KCND2: variants seen among roughly 807,000 people sequenced by gnomAD.
KCND2 encodes the protein A-type voltage-gated potassium channel KCND2.
Under a neutral mutation model 54.4 loss-of-function variants are expected in KCND2, and 16 were observed. The ratio of observed to expected loss-of-function variants is 0.29; its 90% CI spans 0.20 to 0.45. The LOEUF is 0.45. Ranked by LOEUF, KCND2 falls within the 20% of genes least tolerant of loss-of-function variation. The probability of loss-of-function intolerance (pLI) is 1.00; values close to 1 mark genes in which losing one functional copy is unlikely to be tolerated. For missense variants in KCND2, 486 were observed against 824.2 expected, an observed-to-expected ratio of 0.59 and a Z score of 5.02; for synonymous variants, 317 against 310.7, an observed-to-expected ratio of 1.02 and a Z score of -0.21.
intron 1 of KCND2, among the ~76,000 whole-genome samples, chr7:120,659,704 T>C (rs1245432384): frequency 6.6e-6 from 1 of 152,170 alleles, no homozygotes; most frequent in African/African-American, 2.4e-5. Flanking sequence ...TCCCTCAGTA[T>C]ACATGGGACA....
At chr7:120,596,787 C>T (rs1792751164) in intron 1 of KCND2, among the ~76,000 whole-genome samples, 2 of 152,146 alleles carry the variant, frequency 1.3e-5, no homozygotes, top group Admixed American at 6.6e-5. Flanking sequence ...TCAGTGTCCA[C>T]CCCAATGAAG....
At chr7:120,579,002 T>C (rs563204045) in intron 1 of KCND2, among the ~76,000 whole-genome samples, 2 of 152,260 alleles carry the variant, frequency 1.3e-5, no homozygotes, top group East Asian at 1.9e-4. Flanking sequence ...TTCTTTCTTA[T>C]AAAATAAAAT....
chr7:120,594,841 G>T (rs377245168), intron 1 of KCND2, among the ~76,000 whole-genome samples: 3 of 152,054 alleles, frequency 2.0e-5, no homozygotes, highest in African/African-American at 7.2e-5. Context: ...CCAACATGGT[G>T]AAACCCCGTT....
chr7:120,502,492 C>G (rs1802951220), intron 1 of KCND2, among the ~76,000 whole-genome samples: 1 of 152,056 alleles, frequency 6.6e-6, no homozygotes, highest in South Asian at 2.1e-4. Context: ...CTATAGTTCT[C>G]TTGGTCTAGA....
intron 1 of KCND2, among the ~76,000 whole-genome samples, chr7:120,285,468 A>G (rs973884035): frequency 2.0e-5 from 3 of 152,006 alleles, no homozygotes; most frequent in Middle Eastern, 3.2e-3. Flanking sequence ...ATAGTTAGAA[A>G]AAATGCACTA....
chr7:120,348,505 A>T (rs377372357), intron 1 of KCND2, among the ~76,000 whole-genome samples: 3 of 152,240 alleles, frequency 2.0e-5, no homozygotes, highest in Non-Finnish European at 2.9e-5. Context: ...CAAAGGCTAC[A>T]TCATCTTATC....
At chr7:120,611,182 T>C (rs189321602) in intron 1 of KCND2, among the ~76,000 whole-genome samples, 21 of 152,344 alleles carry the variant, frequency 1.4e-4, no homozygotes, top group Admixed American at 9.8e-4. Context: ...TCCTCTATGC[T>C]TTATTTAATT....
At chr7:120,559,053 G>T (rs1202860238) in intron 1 of KCND2, among the ~76,000 whole-genome samples, 1 of 151,682 alleles carries the variant, frequency 6.6e-6, no homozygotes. Context: ...GTACGTGCAT[G>T]TATGTGCATT....
chr7:120,698,242 A>C (rs1792357356), intron 1 of KCND2, among the ~76,000 whole-genome samples: 1 of 151,886 alleles, frequency 6.6e-6, no homozygotes, highest in Non-Finnish European at 1.5e-5. Context: ...CTCGAACTCA[A>C]CCTTTTATCC....
chr7:120,389,757 A>G (rs1801045328), intron 1 of KCND2, among the ~76,000 whole-genome samples: 1 of 151,936 alleles, frequency 6.6e-6, no homozygotes, highest in East Asian at 1.9e-4. Context: ...TCAGCAAAAG[A>G]AGTTTTTAAC....
chr7:120,543,601 A>G (rs954858047), intron 1 of KCND2, among the ~76,000 whole-genome samples: 1 of 152,078 alleles, frequency 6.6e-6, no homozygotes, highest in East Asian at 1.9e-4. Flanking sequence ...TTTTTTTCTA[A>G]TATGTAACAT....
intron 1 of KCND2, among the ~76,000 whole-genome samples, chr7:120,278,345 T>C (rs1471547600): frequency 6.6e-6 from 1 of 151,866 alleles, no homozygotes. Flanking sequence ...GTGCAAACTT[T>C]CTGGGAAATA....
Position 120,411,554 on chromosome 7 carries a change from G to A in KCND2, c.1115+135807G>A, listed in dbSNP as rs139901468. Among the ~76,000 whole-genome samples, 528 of 151,892 alleles carry A rather than the reference G, an allele frequency of 3.5e-3. 3 individuals carry two copies. Among genetic ancestry groups the A allele is most frequent in the African/African-American group, 0.012 (505 of 41,482 alleles). ...CTGATATCAGGGCACTCAGATCTAC[G>A]CTTTGAGTGACTATGTGTATATGTG... On this transcript the variant is annotated intron_variant, in intron 1 of 5. Coordinates refer to ENST00000331113, the MANE Select transcript of KCND2 (RefSeq NM_012281.3).
intron 1 of KCND2, among the ~76,000 whole-genome samples, chr7:120,561,977 A>G (rs1792240785): frequency 6.6e-6 from 1 of 152,174 alleles, no homozygotes; most frequent in Admixed American, 6.5e-5. Flanking sequence ...GTATTTCTGA[A>G]ATAAATTGGG....
In KCND2 at chr7:120,741,600, C is replaced by T. The variant is rs561063026; in HGVS notation, c.1345C>T (p.Arg449Trp). ...CGCAAATGCTTACATGCAGAGCAAA[C>T]GGAATGGTTTACTCAGTAATCAGCT... is the stretch of plus-strand genomic sequence containing the variant. ...GSANAYMQSK[R>W]NGLLSNQLQS... The change falls in exon 3 of 6, where the codon CGG (arginine) becomes TGG (tryptophan). Residue 449 changes from arginine to tryptophan, a missense_variant. Arg to Trp is a moderately radical substitution (Grantham distance 101, BLOSUM62 -3). Transcript: ENST00000331113. 4 of 1,612,788 alleles carry T rather than the reference C, an allele frequency of 2.5e-6. No homozygotes were observed. The highest frequency in any genetic ancestry group is 1.1e-5 in the South Asian group (1 of 91,066).
intron 1 of KCND2, among the ~76,000 whole-genome samples, chr7:120,642,111 T>C (rs1409819739): frequency 1.3e-5 from 2 of 152,206 alleles, no homozygotes; most frequent in Non-Finnish European, 2.9e-5. Flanking sequence ...GGTATTCTTA[T>C]GAGAGCTATT....
chr7:120,589,808 T>G (rs1792647586), intron 1 of KCND2, among the ~76,000 whole-genome samples: 3 of 152,182 alleles, frequency 2.0e-5, no homozygotes, highest in Admixed American at 2.0e-4. Flanking sequence ...TGTCTCAGTT[T>G]ATTCCTATGG....
intron 1 of KCND2, among the ~76,000 whole-genome samples, chr7:120,435,439 T>C (rs1239324424): frequency 2.0e-5 from 3 of 152,002 alleles, no homozygotes; most frequent in Admixed American, 2.0e-4. Context: ...TTAGACAAGC[T>C]ACCTCCATTC....
At chr7:120,361,385 C>T (rs911856238) in intron 1 of KCND2, among the ~76,000 whole-genome samples, 8 of 151,612 alleles carry the variant, frequency 5.3e-5, no homozygotes, top group Non-Finnish European at 1.0e-4. Context: ...AGTTCTCTCT[C>T]GCTCTCTCTC....
Sources: allele counts gnomAD v4.1 joint callset (sites outside exome capture counted in the v4.1 genomes callset), GRCh38; gene constraint gnomAD v4.1.1; transcripts MANE v1.5; gene names NCBI Gene and HGNC (gene_info 2026-07-23, HGNC 2026-07-21).